Variants in PSMG4 observed in about 807,000 individuals in gnomAD.
The protein encoded by PSMG4 is proteasome (prosome, macropain) assembly chaperone 4.
In PSMG4, 10 loss-of-function variants were observed where a neutral mutation model predicts 11.0. That is an observed-to-expected ratio of 0.91 (90% confidence interval 0.56 to 1.54). The LOEUF is 1.54. Among genes scored for constraint, PSMG4 ranks in the 40% most tolerant of loss-of-function variants. The pLI is 0.00. For missense variants in PSMG4, 198 were observed against 160.9 expected, an observed-to-expected ratio of 1.23 and a Z score of -1.25; for synonymous variants, 95 against 71.3, an observed-to-expected ratio of 1.33 and a Z score of -1.68.
intron 2 of PSMG4, 60 bp downstream of exon 2, chr6:3,263,819 C>A: frequency 6.6e-7 from 1 of 1,523,580 alleles, no homozygotes; most frequent in Non-Finnish European, 8.8e-7. Context: ...TTTAATGGAA[C>A]CATGAAGCAA....
intron 1 of PSMG4, among the ~76,000 whole-genome samples, chr6:3,261,957 G>A (rs866749382): frequency 2.0e-5 from 3 of 152,172 alleles, no homozygotes; most frequent in Non-Finnish European, 1.5e-5. Flanking sequence ...GGCACCAGAC[G>A]GTCTGTGAGG....
chr6:3,256,544 G>T (rs1182930678), upstream of PSMG4, among the ~76,000 whole-genome samples: 1 of 152,258 alleles, frequency 6.6e-6, no homozygotes, highest in Non-Finnish European at 1.5e-5. Context: ...TACGGCACAT[G>T]GTGGTGCCGG....
At chr6:3,262,414 T>G (rs1279294182) in intron 1 of PSMG4, among the ~76,000 whole-genome samples, 1 of 152,250 alleles carries the variant, frequency 6.6e-6, no homozygotes, top group Non-Finnish European at 1.5e-5. Flanking sequence ...ACTTGAGGAA[T>G]CTGTAAACAG....
upstream of PSMG4, among the ~76,000 whole-genome samples, chr6:3,255,588 C>T (rs1271295379): frequency 6.6e-6 from 1 of 152,196 alleles, no homozygotes; most frequent in African/African-American, 2.4e-5. Context: ...TACCCAGACC[C>T]ACTGCCTGAG....
chr6:3,259,102 A>G lies in PSMG4; in HGVS notation c.80A>G (p.His27Arg). 2 of 1,274,564 alleles carry G rather than the reference A, an allele frequency of 1.6e-6. No individual in the cohort carries two copies. Among genetic ancestry groups the G allele is most frequent in the South Asian group, 2.9e-5 (1 of 34,546 alleles). The allele number at this position is 1,274,564 out of a possible 1,614,324, so 79.0% of individuals were successfully genotyped here. Residue 27 changes from histidine to arginine, a missense_variant, in exon 1 of 3, where the codon CAC (histidine) becomes CGC (arginine). Coordinates refer to ENST00000438998, the MANE Select transcript of PSMG4 (RefSeq NM_001128591.2). ...GCGAGGCTGTGGGAGCAGCTGGTCCACTTCCACGTCATGCGGCTGACGGAC... is the reference window on the plus strand; with the variant it reads ...GCGAGGCTGTGGGAGCAGCTGGTCCGCTTCCACGTCATGCGGCTGACGGAC... ...FSARLWEQLV[H>R]FHVMRLTDSL...
chr6:3,255,633 T>G (rs555131181), upstream of PSMG4, among the ~76,000 whole-genome samples: 11 of 152,184 alleles, frequency 7.2e-5, no homozygotes, highest in Non-Finnish European at 1.5e-4. Flanking sequence ...TATTTGTAGC[T>G]TGCGCCCACA....
upstream of PSMG4, among the ~76,000 whole-genome samples, chr6:3,254,458 T>TG (rs1554128572): frequency 3.5e-5 from 5 of 143,060 alleles, no homozygotes; most frequent in East Asian, 2.0e-4. Context: ...CTGCTTTTTT[T>TG]GTGTGTCTTT....
chr6:3,255,003 C>G, upstream of PSMG4: 10 of 1,541,032 alleles, frequency 6.5e-6, no homozygotes, highest in Non-Finnish European at 8.8e-6. Context: ...CTAGCGCACT[C>G]CCATGTGGGA....
chr6:3,258,886 C>A, upstream of PSMG4: 1 of 865,970 alleles, frequency 1.2e-6, no homozygotes, highest in Non-Finnish European at 1.5e-6. Flanking sequence ...TCCCCGACCA[C>A]GCCCCTCACC....
chr6:3,258,838 C>T (rs1015819246), upstream of PSMG4: 6 of 481,572 alleles, frequency 1.2e-5, no homozygotes, highest in Non-Finnish European at 2.0e-5. Flanking sequence ...AGCCGCCCCG[C>T]CTCGACCACG....
In PSMG4 at chr6:3,259,173, G is replaced by A; in HGVS notation, c.151G>A (p.Ala51Thr). ...GGCCACGCCGCACCTGCGCAACCTC[G>A]CCGTGGCCATGTGCAGCCGCTACGT... ...VGATPHLRNLAVAMCSRYDSI... is the reference protein window; with the variant it reads ...VGATPHLRNLTVAMCSRYDSI... The change falls in exon 1 of 3, where the codon GCC becomes ACC. Residue 51 changes from alanine (A) to threonine (T), a missense_variant. Ala to Thr is a moderately conservative substitution (Grantham distance 58, BLOSUM62 0). Coordinates refer to ENST00000438998, the MANE Select transcript of PSMG4 (RefSeq NM_001128591.2). The A allele has an allele frequency of 1.5e-6, 2 of 1,309,532 alleles. No homozygotes were observed. The highest frequency in any genetic ancestry group is 9.7e-7 in the Non-Finnish European group (1 of 1,030,010). 81.1% of individuals were successfully genotyped at this position (1,309,532 alleles called of 1,614,324 possible).
intron 2 of PSMG4, chr6:3,266,730 T>TGCGCAC (rs755837108): frequency 3.1e-4 from 10 of 32,468 alleles, no homozygotes; most frequent in African/African-American, 1.1e-3. Flanking sequence ...TGCCTATCTG[T>TGCGCAC]GCACACACAC....
upstream of PSMG4, chr6:3,255,111 A>C: frequency 3.9e-6 from 6 of 1,551,102 alleles, no homozygotes; most frequent in Non-Finnish European, 5.2e-6. Context: ...GGAGCACAAC[A>C]TCACCAGCTT....
upstream of PSMG4, chr6:3,254,923 G>C: frequency 9.7e-7 from 1 of 1,032,480 alleles, no homozygotes; most frequent in East Asian, 2.6e-5. Context: ...TGGTGCTTCA[G>C]CCATTCTCTC....
chr6:3,254,904 T>G (rs1005264738), upstream of PSMG4: 10 of 857,308 alleles, frequency 1.2e-5, no homozygotes, highest in Non-Finnish European at 1.8e-5. Context: ...AAGTGAATGA[T>G]CTCTGAGCTG....
chr6:3,256,133 C>T (rs1179639560), upstream of PSMG4, among the ~76,000 whole-genome samples: 2 of 152,174 alleles, frequency 1.3e-5, no homozygotes, highest in Non-Finnish European at 2.9e-5. Context: ...CACCATCCTC[C>T]CCAGGATGGA....
At chr6:3,259,303 C>T in intron 1 of PSMG4, 107 bp downstream of exon 1, 1 of 1,049,108 alleles carries the variant, frequency 9.5e-7, no homozygotes, top group South Asian at 4.6e-5. Context: ...ACAGGGCGCC[C>T]TACTCCCCCG....
At chr6:3,263,847 G>C in intron 2 of PSMG4, 88 bp downstream of exon 2, 1 of 1,501,352 alleles carries the variant, frequency 6.7e-7, no homozygotes, top group South Asian at 1.3e-5. Context: ...CGGAAGTAAA[G>C]CATCTTTATG....
Position 3,263,721 on chromosome 6 carries a change from C to G in PSMG4, c.212C>G (p.Thr71Ser). ...IPVSTSLLGDTSDTTSTGLAQ... is the reference protein window; with the variant it reads ...IPVSTSLLGDSSDTTSTGLAQ... ...GTGTCTACCTCCCTCCTTGGAGACA[C>G]TTCCGACACGACCTCTACTGGCCTT... Residue 71 changes from threonine (T) to serine (S), a missense_variant, in exon 2 of 3, where the codon ACT (threonine) becomes AGT (serine). Physicochemically the swap from Thr to Ser is moderately conservative, Grantham distance 58 (BLOSUM62 1). Transcript: ENST00000438998. 1 of 1,551,268 alleles carries G rather than the reference C, an allele frequency of 6.4e-7. No individual in the cohort carries two copies. Among genetic ancestry groups the G allele is most frequent in the South Asian group, 1.2e-5 (1 of 83,968 alleles).
Sources: allele counts gnomAD v4.1 joint callset (sites outside exome capture counted in the v4.1 genomes callset), GRCh38; gene constraint gnomAD v4.1.1; transcripts MANE v1.5; gene names NCBI Gene and HGNC (gene_info 2026-07-23, HGNC 2026-07-21).